The following EFHC2 variants were observed in gnomAD, a reference collection of about 807,000 sequenced individuals.
EFHC2 encodes the protein EF-hand domain containing 2.
A neutral mutation model predicts 52.7 loss-of-function variants in EFHC2; 18 were observed. That is an observed-to-expected ratio of 0.34 (90% CI 0.24 to 0.51). The LOEUF (loss-of-function observed/expected upper bound fraction) is 0.51, where lower values mean the gene tolerates loss of function less well. Among genes scored for constraint, EFHC2 ranks in the 20% least tolerant of loss-of-function variants. The probability of loss-of-function intolerance (pLI) is 0.97; values close to 1 mark genes in which losing one functional copy is unlikely to be tolerated. For synonymous variants in EFHC2, 203 were observed against 204.1 expected (o/e 0.99, Z 0.04); for missense variants, 513 against 562.5 (o/e 0.91, Z 0.89).
chrX:44,269,432 C>T (rs2037601088), intron 3 of EFHC2, among the ~76,000 whole-genome samples: 1 of 110,394 alleles, frequency 9.1e-6, no homozygotes, highest in South Asian at 4.0e-4. Context: ...AAATGTGATC[C>T]CCAGTGTTGG....
chrX:44,162,993 C>G (rs1184486062), intron 14 of EFHC2, among the ~76,000 whole-genome samples: 1 of 112,210 alleles, frequency 8.9e-6, no homozygotes, highest in Non-Finnish European at 1.9e-5. Context: ...CATAAATCAA[C>G]AAGATAAGTA....
chrX:44,234,068 G>T (rs1321677215), intron 9 of EFHC2, among the ~76,000 whole-genome samples: 1 of 111,726 alleles, frequency 9.0e-6, no homozygotes, highest in Non-Finnish European at 1.9e-5. Flanking sequence ...AGCCTCTTCT[G>T]GCTCCTTCCA....
chrX:44,227,871 A>C (rs2037244855), intron 11 of EFHC2, among the ~76,000 whole-genome samples: 1 of 111,498 alleles, frequency 9.0e-6, no homozygotes, highest in Non-Finnish European at 1.9e-5. Flanking sequence ...GATGGTGGTG[A>C]CTGCATTTCA....
At chrX:44,170,524 C>T (rs763316350) in intron 13 of EFHC2, among the ~76,000 whole-genome samples, 3 of 110,377 alleles carry the variant, frequency 2.7e-5, no homozygotes, top group East Asian at 2.9e-4. Context: ...CTAGAGTTAC[C>T]CCTGAAGGTT....
intron 1 of EFHC2, among the ~76,000 whole-genome samples, chrX:44,320,764 C>G (rs2038013629): frequency 9.1e-6 from 1 of 110,298 alleles, no homozygotes; most frequent in Non-Finnish European, 1.9e-5. Flanking sequence ...TTTCACGAAA[C>G]AGTAGTCTGC....
chrX:44,301,189 G>GCAC (rs1450859194), intron 2 of EFHC2, among the ~76,000 whole-genome samples: 1 of 108,738 alleles, frequency 9.2e-6, no homozygotes, highest in Non-Finnish European at 1.9e-5. Context: ...GGATCAGCTG[G>GCAC]CACCACCCAG....
chrX:44,188,038 T>G (rs768761269), intron 11 of EFHC2, among the ~76,000 whole-genome samples: 5 of 106,919 alleles, frequency 4.7e-5, no homozygotes, highest in South Asian at 8.7e-4. Context: ...TGGTGCAATC[T>G]CAGCTCACTG....
intron 14 of EFHC2, among the ~76,000 whole-genome samples, chrX:44,152,964 C>T (rs1439059569): frequency 3.6e-5 from 4 of 111,685 alleles, no homozygotes; most frequent in African/African-American, 1.3e-4. Context: ...TAAAAGTTTT[C>T]AACACAGAAA....
At chrX:44,254,901 C>T (rs1247070289) in intron 4 of EFHC2, among the ~76,000 whole-genome samples, 1 of 111,886 alleles carries the variant, frequency 8.9e-6, no homozygotes, top group Non-Finnish European at 1.9e-5. Flanking sequence ...CAAAGGGAAG[C>T]CCATCAGACT....
At chrX:44,235,222 A>G (rs2037309717) in intron 9 of EFHC2, 83 bp downstream of exon 9, 1 of 892,853 alleles carries the variant, frequency 1.1e-6, no homozygotes, top group East Asian at 3.7e-5. Context: ...AAGCTACAAA[A>G]TCAGATCATG....
At chrX:44,188,535 C>T (rs1224838596) in intron 11 of EFHC2, among the ~76,000 whole-genome samples, 2 of 111,117 alleles carry the variant, frequency 1.8e-5, no homozygotes, top group Non-Finnish European at 3.8e-5. Flanking sequence ...ACCCCCAACC[C>T]TCAATATCTA....
intron 11 of EFHC2, among the ~76,000 whole-genome samples, chrX:44,201,571 G>A (rs1234192458): frequency 9.0e-6 from 1 of 111,187 alleles, no homozygotes; most frequent in Non-Finnish European, 1.9e-5. Flanking sequence ...GGTGAAATGG[G>A]AAAGTTTCTA....
chrX:44,273,949 G>C (rs979002064), intron 2 of EFHC2, among the ~76,000 whole-genome samples: 2 of 111,659 alleles, frequency 1.8e-5, no homozygotes, highest in African/African-American at 6.5e-5. Context: ...TAGGGGTGGT[G>C]GTCAGTTAAC....
intron 7 of EFHC2, among the ~76,000 whole-genome samples, chrX:44,243,095 A>G (rs1413678092): frequency 8.9e-6 from 1 of 111,763 alleles, no homozygotes; most frequent in Non-Finnish European, 1.9e-5. Context: ...AGCTGGTAAC[A>G]TATTTGTAAT....
chrX:44,216,432 T>C (rs2037149838), intron 11 of EFHC2, among the ~76,000 whole-genome samples: 1 of 111,854 alleles, frequency 8.9e-6, no homozygotes, highest in Non-Finnish European at 1.9e-5. Context: ...TGGCAGGACC[T>C]CTTACACACA....
intron 1 of EFHC2, among the ~76,000 whole-genome samples, chrX:44,342,875 CA>C (rs377220378): frequency 0.021 from 1,226 of 57,295 alleles, 46 homozygotes; most frequent in African/African-American, 0.089. Flanking sequence ...GACTCCGTCT[CA>C]AAAAAAAAAA....
At chrX:44,315,443 A>G (rs1293486709) in intron 1 of EFHC2, among the ~76,000 whole-genome samples, 2 of 111,654 alleles carry the variant, frequency 1.8e-5, no homozygotes, top group Non-Finnish European at 1.9e-5. Context: ...TAAGGGTTTT[A>G]TATCTCATTT....
chrX:44,267,811 G>T (rs1470136657), intron 3 of EFHC2, among the ~76,000 whole-genome samples: 1 of 111,773 alleles, frequency 8.9e-6, no homozygotes, highest in African/African-American at 3.3e-5. Flanking sequence ...TGAACCACTG[G>T]CTCATTAAGT....
intron 11 of EFHC2, among the ~76,000 whole-genome samples, chrX:44,187,073 C>T (rs912655182): frequency 3.0e-5 from 3 of 99,258 alleles, no homozygotes; most frequent in Non-Finnish European, 6.0e-5. Flanking sequence ...GAGCTATGAT[C>T]GTTCTGCTGT....
Sources: gnomAD v4.1 joint callset for allele counts (sites outside exome capture counted in the v4.1 genomes callset) on GRCh38, gnomAD v4.1.1 for gene constraint, MANE v1.5 for transcripts, NCBI Gene and HGNC (gene_info 2026-07-23, HGNC 2026-07-21) for gene names.